LMO7: variants seen among roughly 807,000 people sequenced by gnomAD.
LMO7 encodes the protein LIM domain 7.
Under a neutral mutation model 206.5 loss-of-function variants are expected in LMO7, and 120 were observed. The ratio of observed to expected loss-of-function variants is 0.58; its 90% CI spans 0.50 to 0.68. The LOEUF is 0.68. LMO7 is among the 30% of genes least tolerant of loss of function. LMO7 has a pLI of 0.00. For missense variants in LMO7, 1,959 were observed against 1,957.9 expected (o/e 1.00, Z -0.01); for synonymous variants, 706 against 681.5 (o/e 1.04, Z -0.56).
intron 3 of LMO7, among the ~76,000 whole-genome samples, chr13:75,731,760 G>A (rs1192268462): frequency 6.6e-6 from 1 of 152,200 alleles, no homozygotes; most frequent in East Asian, 1.9e-4. Context: ...TTTTGTGGCG[G>A]CTGGTATCAG....
Position 75,737,762 on chromosome 13 carries a change from A to T in LMO7, c.210+10664A>T, listed in dbSNP as rs868859515. Among the ~76,000 whole-genome samples, 293 of 43,674 alleles carry T rather than the reference A, an allele frequency of 6.7e-3. 8 individuals carry two copies. The highest frequency in any genetic ancestry group is 9.5e-3 in the Non-Finnish European group (228 of 24,072). 28.7% of individuals were successfully genotyped at this position (43,674 alleles called of 152,430 possible). On this transcript the variant is annotated intron_variant, in intron 3 of 30. Transcript: ENST00000377534. ...AGCGAGACTCCGTCTCAAAAAAAAA[A>T]AAAATAAAATAAAATAAAATAAAAA...
chr13:75,757,642 G>T (rs2047779489), intron 3 of LMO7, among the ~76,000 whole-genome samples: 1 of 152,120 alleles, frequency 6.6e-6, no homozygotes, highest in South Asian at 2.1e-4. Flanking sequence ...GAGACAATAT[G>T]AAAATCTTAA....
chr13:75,663,432 C>CTTTCTTTCTTTCTTTCTTTCTTTCTT (rs1555289857), intron 1 of LMO7, among the ~76,000 whole-genome samples: 25 of 111,392 alleles, frequency 2.2e-4, no homozygotes, highest in African/African-American at 9.4e-4. Context: ...TTCTTTCTTT[C>CTTTCTTTCTTTCTTTCTTTCTTTCTT]TTTTTTTTTT....
At chr13:75,769,757 T>C (rs1382411716) in intron 4 of LMO7, among the ~76,000 whole-genome samples, 2 of 152,152 alleles carry the variant, frequency 1.3e-5, no homozygotes, top group Non-Finnish European at 2.9e-5. Flanking sequence ...TTGAGCAATT[T>C]GAGGGAGAAG....
At position 75,844,938 on chromosome 13, in the gene LMO7, G is replaced by A. The variant is rs540869905; in HGVS notation, c.4098-389G>A. On this transcript the variant is annotated intron_variant, in intron 25 of 30. Coordinates refer to ENST00000377534, the MANE Select transcript of LMO7 (RefSeq NM_001306080.2). ...CAAGAAGTTGACATGATAACCCTGG[G>A]GAGTGTGGGGGAAGTGGGACAGTCT... 2.3e-3 allele frequency among the ~76,000 whole-genome samples: 353 copies of A among 152,294 alleles called. 1 individual carries two copies. The highest frequency in any genetic ancestry group is 7.8e-3 in the African/African-American group (323 of 41,556).
intron 3 of LMO7, among the ~76,000 whole-genome samples, chr13:75,751,065 A>G (rs1366951428): frequency 6.6e-6 from 1 of 151,718 alleles, no homozygotes; most frequent in East Asian, 1.9e-4. Context: ...CAGATTATAA[A>G]TAGAAAGGAG....
intron 3 of LMO7, among the ~76,000 whole-genome samples, chr13:75,737,752 CAA>C (rs374266925): frequency 5.7e-5 from 2 of 35,378 alleles, no homozygotes; most frequent in African/African-American, 2.4e-4. Flanking sequence ...GACTCCGTCT[CAA>C]AAAAAAAAAA....
rs144864752 is a variant in LMO7 at position 75,851,560 on chromosome 13, G to A, written c.4365-1532G>A. Among the ~76,000 whole-genome samples the A allele has an allele frequency of 4.5e-3, 686 of 152,206 alleles. 2 individuals carry two copies. The highest frequency in any genetic ancestry group is 0.014 in the South Asian group (66 of 4,814). The stretch of plus-strand genomic sequence containing the variant: ...TATGATAATGTATCACTTTTATAAT[G>A]TTAAAATTTAAAAGAAAAATTTCAA... On this transcript the variant is annotated intron_variant, in intron 27 of 30. Coordinates refer to ENST00000377534, the MANE Select transcript of LMO7 (RefSeq NM_001306080.2).
At chr13:75,826,003 G>A (rs983179875) in intron 15 of LMO7, among the ~76,000 whole-genome samples, 2 of 151,804 alleles carry the variant, frequency 1.3e-5, no homozygotes, top group African/African-American at 2.4e-5. Flanking sequence ...CCCCCTTGAT[G>A]TTATTCTTTT....
intron 8 of LMO7, 194 bp from the exon 9 acceptor site, chr13:75,805,285 T>C: frequency 1.1e-6 from 1 of 937,528 alleles, no homozygotes; most frequent in South Asian, 2.2e-5. Context: ...GGCCCGTGTG[T>C]ATCTAGCTAT....
intron 3 of LMO7, among the ~76,000 whole-genome samples, chr13:75,727,342 T>C (rs1278672271): frequency 1.3e-5 from 2 of 151,904 alleles, no homozygotes; most frequent in African/African-American, 2.4e-5. Flanking sequence ...TATATTTAAA[T>C]GGCACAAATG....
intron 1 of LMO7, among the ~76,000 whole-genome samples, chr13:75,680,619 C>T (rs752683745): frequency 1.7e-4 from 26 of 151,374 alleles, no homozygotes; most frequent in Middle Eastern, 3.4e-3. Context: ...ATGTGCAGAA[C>T]GTGCAGTTTT....
At chr13:75,840,246 T>C (rs755548746) in intron 21 of LMO7, 136 bp downstream of exon 21, 122 of 1,380,552 alleles carry the variant, frequency 8.8e-5, no homozygotes, top group Non-Finnish European at 1.2e-4. Flanking sequence ...GAAAAACTTA[T>C]TTTAAAATTC....
chr13:75,720,743 G>T (rs886640321), intron 2 of LMO7, among the ~76,000 whole-genome samples: 2 of 152,132 alleles, frequency 1.3e-5, no homozygotes, highest in Non-Finnish European at 2.9e-5. Flanking sequence ...AATTACATTG[G>T]TACTGACGTT....
intron 1 of LMO7, among the ~76,000 whole-genome samples, chr13:75,711,284 G>A (rs2043096557): frequency 6.6e-6 from 1 of 152,130 alleles, no homozygotes; most frequent in African/African-American, 2.4e-5. Flanking sequence ...TCTCTGCCAG[G>A]CTTTGGTATC....
rs1241841588 is a variant in LMO7 at position 75,808,216 on chromosome 13, G to A, written c.1916+17G>A. 6.3e-7 allele frequency: 1 copy of A among 1,584,590 alleles called. No homozygotes were observed. Among genetic ancestry groups the A allele is most frequent in the African/African-American group, 1.4e-5 (1 of 73,692 alleles). ...GGTGGAGAGGTCAGAGTGTGTTTCT[G>A]CAAGGATTTTGCTTGTAATGGATGG... On this transcript the variant is annotated intron_variant, in intron 10 of 30. Coordinates refer to ENST00000377534, the MANE Select transcript of LMO7 (RefSeq NM_001306080.2).
At chr13:75,715,844 G>C (rs1408060) in intron 2 of LMO7, among the ~76,000 whole-genome samples, 63,396 of 152,056 alleles carry the variant, frequency 0.42, 13,628 homozygotes, top group East Asian at 0.61. Flanking sequence ...TAATGCCTGA[G>C]AGGAAAACAA....
At chr13:75,778,138 G>A (rs901753340) in intron 4 of LMO7, among the ~76,000 whole-genome samples, 2 of 152,164 alleles carry the variant, frequency 1.3e-5, no homozygotes, top group Non-Finnish European at 2.9e-5. Context: ...AGCTGTCTGT[G>A]GTTGACTTTT....
intron 4 of LMO7, among the ~76,000 whole-genome samples, chr13:75,768,634 G>A (rs2049218676): frequency 2.0e-5 from 3 of 147,574 alleles, no homozygotes; most frequent in African/African-American, 7.4e-5. Flanking sequence ...CACATTGTTT[G>A]TGAGTTTATT....
Sources: allele counts gnomAD v4.1 joint callset (sites outside exome capture counted in the v4.1 genomes callset), GRCh38; gene constraint gnomAD v4.1.1; transcripts MANE v1.5; gene names NCBI Gene and HGNC (gene_info 2026-07-23, HGNC 2026-07-21).